PATJ: variants seen among roughly 807,000 people sequenced by gnomAD.
PATJ encodes the protein inaD-like protein.
Under a neutral mutation model 224.9 loss-of-function variants are expected in PATJ, and 190 were observed. The observed-to-expected ratio is 0.84, with a 90% CI of 0.75 to 0.95. The LOEUF (loss-of-function observed/expected upper bound fraction) is 0.95. Among genes scored for constraint, PATJ ranks in the 40% least tolerant of loss-of-function variants. PATJ has a pLI of 0.00. For synonymous variants in PATJ, 769 were observed against 820.3 expected, an observed-to-expected ratio of 0.94 and a Z score of 1.07; for missense variants, 2,121 against 2,270.3, an observed-to-expected ratio of 0.93 and a Z score of 1.34.
intron 25 of PATJ, among the ~76,000 whole-genome samples, chr1:61,912,264 A>G (rs1407947587): frequency 2.0e-5 from 3 of 152,128 alleles, no homozygotes; most frequent in Admixed American, 6.5e-5. Flanking sequence ...AAATTTTGCT[A>G]AAGATATATG....
intron 24 of PATJ, among the ~76,000 whole-genome samples, chr1:61,908,027 C>T (rs1231978814): frequency 6.6e-6 from 1 of 152,182 alleles, no homozygotes; most frequent in Admixed American, 6.5e-5. Flanking sequence ...TCCCAGCCTC[C>T]CTTATCCCAC....
At chr1:62,155,181 C>T (rs972142738) in intron 43 of PATJ, among the ~76,000 whole-genome samples, 1 of 152,190 alleles carries the variant, frequency 6.6e-6, no homozygotes, top group Admixed American at 6.6e-5. Context: ...TGTTTTAACA[C>T]GTTCTGCTGG....
intron 33 of PATJ, among the ~76,000 whole-genome samples, chr1:62,103,333 G>A (rs1375754300): frequency 6.6e-6 from 1 of 152,200 alleles, no homozygotes; most frequent in South Asian, 2.1e-4. Flanking sequence ...CGTTTCCTCA[G>A]CTGTAAGTGG....
intron 14 of PATJ, among the ~76,000 whole-genome samples, chr1:61,819,171 C>G (rs1656761642): frequency 6.6e-6 from 1 of 152,164 alleles, no homozygotes; most frequent in Non-Finnish European, 1.5e-5. Context: ...CATTGTGGAG[C>G]CTGCTCTGAC....
intron 22 of PATJ, among the ~76,000 whole-genome samples, chr1:61,890,466 G>A (rs1455469436): frequency 6.6e-6 from 1 of 152,064 alleles, no homozygotes; most frequent in African/African-American, 2.4e-5. Flanking sequence ...CAAACACAGT[G>A]AGACCTGGTC....
chr1:61,792,617 G>C (rs938142245), intron 9 of PATJ, among the ~76,000 whole-genome samples: 2 of 151,492 alleles, frequency 1.3e-5, no homozygotes, highest in Admixed American at 1.3e-4. Flanking sequence ...TGCAACCTCC[G>C]CCTCCCAGGT....
At chr1:61,869,408 G>A (rs2148985110) in intron 20 of PATJ, among the ~76,000 whole-genome samples, 1 of 152,212 alleles carries the variant, frequency 6.6e-6, no homozygotes, top group Non-Finnish European at 1.5e-5. Context: ...TTTAAATGCA[G>A]GGCCACTGAT....
rs559200306 is a variant in PATJ at position 61,883,625 on chromosome 1, A to T, written c.2960-612A>T. On this transcript the variant is annotated intron_variant, in intron 21 of 43. Coordinates refer to ENST00000642238, the MANE Select transcript of PATJ (RefSeq NM_001350145.3). Reference sequence around the variant, plus strand: ...ATTATTGTATTTTTGCATGCAACACAACACCTGTAGTCCCAGCTACTCAGG... The same window carrying T: ...ATTATTGTATTTTTGCATGCAACACTACACCTGTAGTCCCAGCTACTCAGG... Among the ~76,000 whole-genome samples the T allele has an allele frequency of 6.6e-4, 100 of 152,026 alleles. 2 individuals carry two copies. In the South Asian group the frequency reaches 0.02, roughly 30 times the overall value.
At chr1:61,841,103 G>A (rs1225296345) in intron 17 of PATJ, among the ~76,000 whole-genome samples, 1 of 152,030 alleles carries the variant, frequency 6.6e-6, no homozygotes, top group African/African-American at 2.4e-5. Context: ...GGCATAAAGT[G>A]TTTATATTCA....
chr1:62,067,603 G>A (rs978185358), intron 31 of PATJ, among the ~76,000 whole-genome samples: 1 of 152,198 alleles, frequency 6.6e-6, no homozygotes, highest in Non-Finnish European at 1.5e-5. Flanking sequence ...ATCAAGGACA[G>A]TGAGGTGGTC....
At chr1:61,985,500 T>C (rs1003979744) in intron 27 of PATJ, among the ~76,000 whole-genome samples, 1 of 152,088 alleles carries the variant, frequency 6.6e-6, no homozygotes, top group African/African-American at 2.4e-5. Flanking sequence ...TATTGTTCAG[T>C]GTTAAATACA....
intron 29 of PATJ, among the ~76,000 whole-genome samples, chr1:62,037,511 C>A (rs1650660090): frequency 6.6e-6 from 1 of 152,152 alleles, no homozygotes; most frequent in African/African-American, 2.4e-5. Flanking sequence ...ATTGTAGACA[C>A]CCCATCATCC....
intron 33 of PATJ, among the ~76,000 whole-genome samples, chr1:62,107,763 A>G (rs776845415): frequency 4.6e-5 from 7 of 152,188 alleles, no homozygotes; most frequent in Non-Finnish European, 8.8e-5. Flanking sequence ...AAGAGATACA[A>G]ATTATTTTTT....
At chr1:62,034,442 C>CA (rs58542108) in intron 29 of PATJ, among the ~76,000 whole-genome samples, 18,307 of 99,950 alleles carry the variant, frequency 0.18, 1,930 homozygotes, top group Non-Finnish European at 0.25. Flanking sequence ...GACTCTGTCT[C>CA]AAAAAAAAAA....
At chr1:61,859,485 C>A (rs1435704972) in intron 18 of PATJ, among the ~76,000 whole-genome samples, 1 of 151,868 alleles carries the variant, frequency 6.6e-6, no homozygotes, top group Non-Finnish European at 1.5e-5. Context: ...TGCTCATGAG[C>A]TATAAATAGT....
intron 27 of PATJ, among the ~76,000 whole-genome samples, chr1:61,954,448 A>G (rs1476284800): frequency 1.3e-5 from 2 of 152,174 alleles, no homozygotes; most frequent in Non-Finnish European, 2.9e-5. Context: ...CAGTAGTTTT[A>G]TGTCACTTTA....
chr1:61,824,544 A>G (rs1381289829), intron 15 of PATJ, among the ~76,000 whole-genome samples: 1 of 149,392 alleles, frequency 6.7e-6, no homozygotes, highest in Non-Finnish European at 1.5e-5. Context: ...TCCCACCTCA[A>G]CCTCCCGAGT....
intron 17 of PATJ, among the ~76,000 whole-genome samples, chr1:61,842,420 T>TG (rs1661247906): frequency 6.6e-6 from 1 of 152,166 alleles, no homozygotes; most frequent in South Asian, 2.1e-4. Flanking sequence ...AAGCAGCAAA[T>TG]GCTTGTCAGC....
At chr1:61,794,454 T>A (rs906057123) in intron 9 of PATJ, among the ~76,000 whole-genome samples, 5 of 151,992 alleles carry the variant, frequency 3.3e-5, no homozygotes, top group African/African-American at 1.2e-4. Context: ...CTACAAACAA[T>A]GTTTTGAGTT....
Sources: gnomAD v4.1 joint callset for allele counts (sites outside exome capture counted in the v4.1 genomes callset) on GRCh38, gnomAD v4.1.1 for gene constraint, MANE v1.5 for transcripts, NCBI Gene and HGNC (gene_info 2026-07-23, HGNC 2026-07-21) for gene names.